SLCO4A1: variants seen among roughly 807,000 people sequenced by gnomAD.
SLCO4A1 encodes the protein colon organic anion transporter.
Under a neutral mutation model 64.6 loss-of-function variants are expected in SLCO4A1, and 51 were observed. The ratio of observed to expected loss-of-function variants is 0.79; its 90% CI spans 0.63 to 1.00. SLCO4A1 has a LOEUF of 1.00. Ranked by LOEUF, SLCO4A1 falls within the 50% of genes least tolerant of loss-of-function variation. The probability of loss-of-function intolerance (pLI) is 0.00; values close to 1 mark genes in which losing one functional copy is unlikely to be tolerated. For missense variants in SLCO4A1, 919 were observed against 980.5 expected (o/e 0.94, Z 0.84); for synonymous variants, 471 against 444.9 (o/e 1.06, Z -0.74).
intron 2 of SLCO4A1, among the ~76,000 whole-genome samples, chr20:62,679,955 C>T (rs1337200208): frequency 2.0e-5 from 3 of 152,214 alleles, no homozygotes; most frequent in African/African-American, 7.2e-5. Flanking sequence ...AGACCCTCTA[C>T]ACGAAACAGA....
rs940609417 is a variant in SLCO4A1 at position 62,645,446 on chromosome 20, G to A, written c.-97+2893G>A. Among the ~76,000 whole-genome samples, 3 of 149,500 alleles carry A rather than the reference G, an allele frequency of 2.0e-5. No individual in the cohort carries two copies. The highest frequency in any genetic ancestry group is 7.4e-5 in the African/African-American group (3 of 40,582). ...GCTGGCCCTTCAGGCTACGGTGAGG[G>A]TGAGGGTGCGGGTGAGGATGAGGGT... On this transcript the variant is annotated intron_variant, in intron 1 of 11. Coordinates refer to ENST00000217159, the MANE Select transcript of SLCO4A1 (RefSeq NM_016354.4). The surrounding 1 kb of genome is among the most constrained non-coding windows in gnomAD (Gnocchi z 4.2).
At chr20:62,657,682 A>T (rs144983463) in intron 2 of SLCO4A1, among the ~76,000 whole-genome samples, 1 of 152,204 alleles carries the variant, frequency 6.6e-6, no homozygotes, top group South Asian at 2.1e-4. Flanking sequence ...GGCCACACCC[A>T]TGTTTCCCTG....
rs746138706 is a variant in SLCO4A1 at position 62,656,661 on chromosome 20, C to T, written c.207C>T (p.Ala69=). The change falls in exon 2 of 12, where the codon GCC becomes GCT. Residue 69 remains alanine (A), a synonymous_variant. Transcript: ENST00000217159. The stretch of plus-strand genomic sequence containing the variant: ...AGCTCTGGGCCGAGAAGCATGGCGC[C>T]CGGGGGACCCATGAGGTGCGGTACG... ...LCQLWAEKHG[A]RGTHEVRYVS... is the part of the protein sequence containing the mutation. 3.1e-6 allele frequency: 5 copies of T among 1,604,792 alleles called. No individual in the cohort carries two copies. The highest frequency in any genetic ancestry group is 4.3e-6 in the Non-Finnish European group (5 of 1,176,338).
rs189464691 is a variant in SLCO4A1, at chr20:62,661,703, C to G, written c.1121+528C>G. 1.5e-3 allele frequency among the ~76,000 whole-genome samples: 235 copies of G among 151,974 alleles called. No individual in the cohort carries two copies. The highest frequency in any genetic ancestry group is 4.3e-3 in the Admixed American group (65 of 15,286). The stretch of plus-strand genomic sequence containing the variant: ...CCTCAGAGTCTCTGAGGACCTCCCC[C>G]CTCTACCCGGCGTGTCCCGCTCACC... On this transcript the variant is annotated intron_variant, in intron 5 of 11. Coordinates refer to ENST00000217159, the MANE Select transcript of SLCO4A1 (RefSeq NM_016354.4). The surrounding 1 kb of genome is among the most constrained non-coding windows in gnomAD (Gnocchi z 5.2).
chr20:62,675,019 G>A (rs1987522780), downstream of SLCO4A1, among the ~76,000 whole-genome samples: 3 of 152,158 alleles, frequency 2.0e-5, no homozygotes, highest in South Asian at 6.2e-4. Context: ...CTCCGGTCTG[G>A]GGGCTCCAAG....
At chr20:62,646,931 G>C (rs1197423993) in intron 1 of SLCO4A1, among the ~76,000 whole-genome samples, 1 of 149,960 alleles carries the variant, frequency 6.7e-6, no homozygotes, top group African/African-American at 2.5e-5. Context: ...GGTTCAGTGG[G>C]TGGAGACTGG....
Position 62,668,470 on chromosome 20 carries a change from A to G in SLCO4A1, c.1812-7A>G, listed in dbSNP as rs1367673053. 4 of 1,613,566 alleles carry G rather than the reference A, an allele frequency of 2.5e-6. No individual in the cohort carries two copies. In the African/African-American group the frequency reaches 4.0e-5, roughly 16 times the overall value. On this transcript the variant is annotated splice_polypyrimidine_tract_variant and splice_region_variant and intron_variant, in intron 9 of 11. Coordinates refer to ENST00000217159, the MANE Select transcript of SLCO4A1 (RefSeq NM_016354.4). ...GTGGGTGCTGACGCTGTGGTTTTCT[A>G]TTGCAGATGTGTCCGTGACCCTCAG...
At chr20:62,651,212 C>T (rs1982435669) in intron 1 of SLCO4A1, 2 of 152,250 alleles carry the variant, frequency 1.3e-5, no homozygotes, top group African/African-American at 4.8e-5. Flanking sequence ...CCCACCCTCC[C>T]CTTTCCAATC....
chr20:62,681,515 TA>T (rs34992415), intron 2 of SLCO4A1, among the ~76,000 whole-genome samples: 52,037 of 145,592 alleles, frequency 0.36, 9,927 homozygotes, highest in Admixed American at 0.47. Context: ...TGCGCGTGTT[TA>T]TTAAGCCGTG....
intron 1 of SLCO4A1, 74 bp from the exon 2 acceptor site, chr20:62,656,285 C>G (rs1268817915): frequency 3.3e-6 from 2 of 613,266 alleles, no homozygotes; most frequent in Non-Finnish European, 5.6e-6. Flanking sequence ...GATGGGTGTG[C>G]TGGAATGTTC....
chr20:62,661,040 C>CCCCCCCCCCCCCCCCCCCA lies in SLCO4A1; in HGVS notation c.1010-23_1010-22insCCCCCCCCCCCCCCCCCAC. 4.3e-6 allele frequency: 6 copies of CCCCCCCCCCCCCCCCCCCA among 1,395,916 alleles called. No homozygotes were observed. The highest frequency in any genetic ancestry group is 6.1e-6 in the Non-Finnish European group (6 of 984,520). The allele number at this position is 1,395,916 out of a possible 1,614,324, so 86.5% of individuals were successfully genotyped here. A position where few individuals can be genotyped will look rare whatever the true frequency, so the allele number is the denominator to read the frequency against. On this transcript the variant is annotated intron_variant, in intron 4 of 11. Transcript: ENST00000217159. The surrounding 1 kb of genome is among the most constrained non-coding windows in gnomAD (Gnocchi z 5.2). The stretch of plus-strand genomic sequence containing the variant: ...CTCCGGGAGCCCCCAGCCCCCAGCC[C>CCCCCCCCCCCCCCCCCCCA]CAGCTCACTCTGTGCCCTTCCAGGC...
chr20:62,661,039 C>CCCCCCCCCCCCCCACACA lies in SLCO4A1; in HGVS notation c.1010-23_1010-22insCCCCCCCCCCCACACACC. The CCCCCCCCCCCCCCACACA allele has an allele frequency of 7.3e-7, 1 of 1,364,036 alleles. No individual in the cohort carries two copies. Among genetic ancestry groups the CCCCCCCCCCCCCCACACA allele is most frequent in the Non-Finnish European group, 1.0e-6 (1 of 955,432 alleles). The allele number at this position is 1,364,036 out of a possible 1,614,324, so 84.5% of individuals were successfully genotyped here. On this transcript the variant is annotated intron_variant, in intron 4 of 11. Coordinates refer to ENST00000217159, the MANE Select transcript of SLCO4A1 (RefSeq NM_016354.4). This position sits in a 1 kb window ranked among gnomAD's most constrained non-coding sequence, Gnocchi z 5.2. ...CCTCCGGGAGCCCCCAGCCCCCAGC[C>CCCCCCCCCCCCCCACACA]CCAGCTCACTCTGTGCCCTTCCAGG...
rs545095383 is a variant in SLCO4A1 at position 62,661,342 on chromosome 20, C to G, written c.1121+167C>G. On this transcript the variant is annotated intron_variant, in intron 5 of 11. Coordinates refer to ENST00000217159, the MANE Select transcript of SLCO4A1 (RefSeq NM_016354.4). This position sits in a 1 kb window ranked among gnomAD's most constrained non-coding sequence, Gnocchi z 5.2. ...AGGAGCAACAGATAGAGCCTCTGGGCCAGGGGCCGCAGACCCCGCCTCAGG... is the reference window on the plus strand; with the variant it reads ...AGGAGCAACAGATAGAGCCTCTGGGGCAGGGGCCGCAGACCCCGCCTCAGG... Among the ~76,000 whole-genome samples the G allele has an allele frequency of 1.3e-5, 2 of 152,132 alleles. No individual in the cohort carries two copies. The highest frequency in any genetic ancestry group is 2.9e-5 in the Non-Finnish European group (2 of 67,998).
At position 62,671,936 on chromosome 20, in the gene SLCO4A1, T is replaced by C; in HGVS notation, c.*43T>C. 1.2e-6 allele frequency: 2 copies of C among 1,603,848 alleles called. No individual in the cohort carries two copies. The highest frequency in any genetic ancestry group is 1.7e-6 in the Non-Finnish European group (2 of 1,179,946). On this transcript the variant is annotated 3_prime_UTR_variant, in exon 12 of 12. Coordinates refer to ENST00000217159, the MANE Select transcript of SLCO4A1 (RefSeq NM_016354.4). ...CCGGCCACGGCGGGCACTCAGCATTTCCTGATGACAGAACAGTGCCGTTGG... is the reference window on the plus strand; with the variant it reads ...CCGGCCACGGCGGGCACTCAGCATTCCCTGATGACAGAACAGTGCCGTTGG...
At chr20:62,667,684 C>T in intron 7 of SLCO4A1, 61 bp from the exon 8 acceptor site, 1 of 1,544,500 alleles carries the variant, frequency 6.5e-7, no homozygotes, top group South Asian at 1.2e-5. Context: ...GACCCTGTGC[C>T]TGCTGGGCGC....
chr20:62,656,443 G>C lies in SLCO4A1; in HGVS notation c.-12G>C. On this transcript the variant is annotated 5_prime_UTR_variant, in exon 2 of 12. Transcript: ENST00000217159. ...GGCTGAAGCCTCGAGGTCACCAGGC[G>C]GAGGCGCGGAGATGCCCCTGCATCA... 1 of 1,461,894 alleles carries C rather than the reference G, an allele frequency of 6.8e-7. No homozygotes were observed. Among genetic ancestry groups the C allele is most frequent in the Non-Finnish European group, 9.0e-7 (1 of 1,106,890 alleles). The allele number at this position is 1,461,894 out of a possible 1,614,324, so 90.6% of individuals were successfully genotyped here. A position where few individuals can be genotyped will look rare whatever the true frequency, so the allele number is the denominator to read the frequency against.
chr20:62,663,887 A>G (rs1985559183), intron 5 of SLCO4A1, among the ~76,000 whole-genome samples: 1 of 152,202 alleles, frequency 6.6e-6, no homozygotes, highest in Non-Finnish European at 1.5e-5. Context: ...GGTTTACACC[A>G]TGCAACACGT....
chr20:62,654,395 C>A (rs958192040), intron 1 of SLCO4A1, among the ~76,000 whole-genome samples: 1 of 152,222 alleles, frequency 6.6e-6, no homozygotes, highest in Non-Finnish European at 1.5e-5. Flanking sequence ...GGCACCGGTC[C>A]GCCCACCCCA....
Position 62,656,821 on chromosome 20 carries a change from TTCA to T in SLCO4A1, c.371_373del (p.Ile124del). The T allele has an allele frequency of 6.2e-7, 1 of 1,612,842 alleles. No homozygotes were observed. Among genetic ancestry groups the T allele is most frequent in the Non-Finnish European group, 8.5e-7 (1 of 1,179,866 alleles). On this transcript the variant is annotated inframe_deletion, in exon 2 of 12. Coordinates refer to ENST00000217159, the MANE Select transcript of SLCO4A1 (RefSeq NM_016354.4). Reference sequence around the variant, plus strand: ...CCTGCAGGGGATGACTGTGAATGGCTTCATCAACACAGTCATCACCTCCCTGGA... The same window carrying T: ...CCTGCAGGGGATGACTGTGAATGGCTTCAACACAGTCATCACCTCCCTGGA...
Sources: gnomAD v4.1 joint callset for allele counts (sites outside exome capture counted in the v4.1 genomes callset) on GRCh38, gnomAD v4.1.1 for gene constraint, Gnocchi (gnomAD v3.1) non-coding constraint, MANE v1.5 for transcripts, NCBI Gene and HGNC (gene_info 2026-07-23, HGNC 2026-07-21) for gene names.